Variants in CNBD2 observed in about 807,000 individuals in gnomAD.
CNBD2 encodes cyclic nucleotide binding domain containing 2, also known as cyclic nucleotide-binding domain-containing protein 2.
A neutral mutation model predicts 63.7 loss-of-function variants in CNBD2; 64 were observed. That is an observed-to-expected ratio of 1.00 (90% CI 0.82 to 1.24). CNBD2 has a LOEUF of 1.24. CNBD2 is among the 50% of genes most tolerant of loss of function. CNBD2 has a pLI of 0.00. For synonymous variants in CNBD2, 229 were observed against 255.4 expected (o/e 0.90, Z 0.99); for missense variants, 691 against 713.5 (o/e 0.97, Z 0.36).
chr20:35,975,739 T>C (rs1474532328), intron 2 of CNBD2, among the ~76,000 whole-genome samples: 1 of 152,100 alleles, frequency 6.6e-6, no homozygotes, highest in East Asian at 1.9e-4. Context: ...TTCTCTGCCT[T>C]CACAATAATA....
downstream of CNBD2, among the ~76,000 whole-genome samples, chr20:35,956,867 A>T (rs1288259109): frequency 6.6e-6 from 1 of 152,210 alleles, no homozygotes; most frequent in Non-Finnish European, 1.5e-5. Flanking sequence ...TGCCTGTACA[A>T]AGGCACATAG....
chr20:36,005,951 A>T (rs1349974245), intron 8 of CNBD2, among the ~76,000 whole-genome samples: 1 of 152,050 alleles, frequency 6.6e-6, no homozygotes, highest in East Asian at 1.9e-4. Flanking sequence ...ACTCCATCTC[A>T]AAAACAAAAA....
In CNBD2 at chr20:35,980,542, C is replaced by T. The variant is rs533709310; in HGVS notation, c.327C>T (p.Asn109=). The T allele has an allele frequency of 6.2e-7, 1 of 1,614,186 alleles. No individual in the cohort carries two copies. The highest frequency in any genetic ancestry group is 1.3e-5 in the African/African-American group (1 of 75,070). The part of the protein sequence containing the change: ...RTEDEIQAVC[N]ILQVLDSYRN... ...AGGATGAGATCCAGGCCGTCTGTAACATCTTGCAGGTTCTGGATAGCTATC... is the reference window on the plus strand; with the variant it reads ...AGGATGAGATCCAGGCCGTCTGTAATATCTTGCAGGTTCTGGATAGCTATC... Residue 109 remains asparagine (N), a synonymous_variant, in exon 4 of 12, where the codon AAC becomes AAT. Coordinates refer to ENST00000373973, the MANE Select transcript of CNBD2 (RefSeq NM_001365709.1).
intron 8 of CNBD2, among the ~76,000 whole-genome samples, chr20:36,001,636 C>T (rs1337791373): frequency 2.0e-5 from 3 of 147,856 alleles, no homozygotes; most frequent in Middle Eastern, 3.8e-3. Flanking sequence ...CCTCACTTCT[C>T]AGATGGGGCG....
chr20:36,018,148 G>A (rs1218400888), intron 10 of CNBD2, among the ~76,000 whole-genome samples: 1 of 152,202 alleles, frequency 6.6e-6, no homozygotes, highest in African/African-American at 2.4e-5. Context: ...ATGTTTCAGA[G>A]TAAGGTGCTC....
intron 3 of CNBD2, among the ~76,000 whole-genome samples, chr20:35,979,633 G>A (rs1210631369): frequency 6.6e-6 from 1 of 152,214 alleles, no homozygotes; most frequent in African/African-American, 2.4e-5. Context: ...CCTATAGCAA[G>A]AGCCTACTGG....
At chr20:36,014,913 C>T (rs1181749834) in intron 10 of CNBD2, among the ~76,000 whole-genome samples, 7 of 152,142 alleles carry the variant, frequency 4.6e-5, no homozygotes, top group Non-Finnish European at 7.3e-5. Flanking sequence ...GGATTACAGG[C>T]GTGAACCATC....
chr20:35,975,779 C>T (rs578125856), intron 2 of CNBD2, among the ~76,000 whole-genome samples, 170 bp from the exon 3 acceptor site: 26 of 152,226 alleles, frequency 1.7e-4, no homozygotes, highest in Middle Eastern at 3.4e-3. Context: ...AAGCCTAGTG[C>T]TGAGTTGGGG....
At chr20:36,028,673 C>T (rs2057308776) in intron 11 of CNBD2, among the ~76,000 whole-genome samples, 1 of 109,094 alleles carries the variant, frequency 9.2e-6, no homozygotes, top group Non-Finnish European at 1.7e-5. Flanking sequence ...GGCTTAAGGG[C>T]GTCACGGGCT....
intron 8 of CNBD2, among the ~76,000 whole-genome samples, chr20:35,996,514 T>G (rs866309721): frequency 7.9e-5 from 12 of 151,212 alleles, no homozygotes; most frequent in African/African-American, 1.5e-4. Flanking sequence ...TTTTGTTTTT[T>G]TTTTTTTTTT....
At chr20:36,005,186 CT>C (rs1416933353) in intron 8 of CNBD2, among the ~76,000 whole-genome samples, 1 of 152,188 alleles carries the variant, frequency 6.6e-6, no homozygotes, top group Admixed American at 6.5e-5. Context: ...GGTCCCCAAA[CT>C]TTTTGGCACC....
downstream of CNBD2, among the ~76,000 whole-genome samples, chr20:35,956,124 G>A (rs1453182987): frequency 1.3e-5 from 2 of 152,216 alleles, no homozygotes; most frequent in Non-Finnish European, 2.9e-5. Flanking sequence ...GTCCTTTTGA[G>A]CCCGTGCAGG....
At chr20:35,970,697 CTGTT>C (rs967554676) in intron 1 of CNBD2, among the ~76,000 whole-genome samples, 3 of 152,096 alleles carry the variant, frequency 2.0e-5, no homozygotes, top group South Asian at 2.1e-4. Flanking sequence ...TGTGCCAGAG[CTGTT>C]TGTTTGTTTG....
Position 35,968,798 on chromosome 20 carries a change from C to T in CNBD2, c.36C>T (p.Leu12=). The T allele has an allele frequency of 6.2e-7, 1 of 1,608,206 alleles. No individual in the cohort carries two copies. The highest frequency in any genetic ancestry group is 8.5e-7 in the Non-Finnish European group (1 of 1,177,944). The change falls in exon 1 of 12, where the codon CTC becomes CTT. Residue 12 remains leucine (L), a synonymous_variant. Transcript: ENST00000373973. ...ATATGGTAACTTATGCCTGGCAGCT[C>T]CTGAAGAAGGAACTGGTGAGGAGGG... ...RRHMVTYAWQ[L]LKKELGLYQL...
At chr20:35,983,840 G>A (rs1322429039) in intron 4 of CNBD2, 142 bp from the exon 5 acceptor site, 1 of 857,046 alleles carries the variant, frequency 1.2e-6, no homozygotes, top group Non-Finnish European at 1.9e-6. Flanking sequence ...GACTGGCAGG[G>A]CTGGGCTGTC....
Position 35,984,114 on chromosome 20 carries a change from G to C in CNBD2, c.540G>C (p.Leu180Phe). Residue 180 changes from leucine (L) to phenylalanine (F), a missense_variant, in exon 5 of 12, where the codon TTG becomes TTC. Transcript: ENST00000373973. Reference protein sequence around the residue: ...SSAFLDPHPKLLHKGSCFGEM... With the variant: ...SSAFLDPHPKFLHKGSCFGEM... ...CCTTCCTAGATCCCCACCCGAAATT[G>C]CTGCACAAGGGTAGCTGTTTTGGGG... 6.2e-7 allele frequency: 1 copy of C among 1,610,842 alleles called. No individual in the cohort carries two copies. Among genetic ancestry groups the C allele is most frequent in the South Asian group, 1.1e-5 (1 of 90,572 alleles).
chr20:35,971,092 C>T (rs962894193), intron 1 of CNBD2, among the ~76,000 whole-genome samples: 5 of 150,690 alleles, frequency 3.3e-5, no homozygotes, highest in South Asian at 2.1e-4. Context: ...GGACTACAGG[C>T]GCCCGCCACT....
At chr20:35,979,601 A>T (rs1324035962) in intron 3 of CNBD2, among the ~76,000 whole-genome samples, 1 of 152,204 alleles carries the variant, frequency 6.6e-6, no homozygotes, top group African/African-American at 2.4e-5. Context: ...ATTTTGACAC[A>T]AGTTTTGGAG....
chr20:35,970,007 T>G (rs1006852838), intron 1 of CNBD2, among the ~76,000 whole-genome samples: 1 of 152,208 alleles, frequency 6.6e-6, no homozygotes, highest in African/African-American at 2.4e-5. Context: ...TTTCACAATT[T>G]GGCTGGGGCA....
Sources: allele counts gnomAD v4.1 joint callset (sites outside exome capture counted in the v4.1 genomes callset), GRCh38; gene constraint gnomAD v4.1.1; transcripts MANE v1.5; gene names NCBI Gene and HGNC (gene_info 2026-07-23, HGNC 2026-07-21).